Variants in QSOX1 observed in about 807,000 individuals in gnomAD.
The protein encoded by QSOX1 is quiescin sulfhydryl oxidase 1, also known as sulfhydryl oxidase 1.
A neutral mutation model predicts 76.1 loss-of-function variants in QSOX1; 40 were observed. The ratio of observed to expected loss-of-function variants is 0.53; its 90% CI spans 0.41 to 0.68. The LOEUF is 0.68. Among genes scored for constraint, QSOX1 ranks in the 30% least tolerant of loss-of-function variants. The probability of loss-of-function intolerance (pLI) is 0.00; values close to 1 mark genes in which losing one functional copy is unlikely to be tolerated. For synonymous variants in QSOX1, 392 were observed against 413.1 expected (o/e 0.95, Z 0.62); for missense variants, 931 against 974.3 (o/e 0.96, Z 0.59).
chr1:180,161,914 C>T (rs189681964), intron 1 of QSOX1, among the ~76,000 whole-genome samples: 197 of 152,262 alleles, frequency 1.3e-3, no homozygotes, highest in Middle Eastern at 3.4e-3. Flanking sequence ...TTATCAGAGA[C>T]GTTTCCGTGG....
Position 180,198,504 on chromosome 1 carries a change from T to C in QSOX1, c.*1467T>C, listed in dbSNP as rs1329639924. 4 of 420,282 alleles carry C rather than the reference T, an allele frequency of 9.5e-6. No individual in the cohort carries two copies. Among genetic ancestry groups the C allele is most frequent in the Non-Finnish European group, 2.0e-5 (4 of 202,674 alleles). 26.0% of individuals were successfully genotyped at this position (420,282 alleles called of 1,614,324 possible). On this transcript the variant is annotated 3_prime_UTR_variant, in exon 12 of 12. Coordinates refer to ENST00000367602, the MANE Select transcript of QSOX1 (RefSeq NM_002826.5). ...GGGGGAGCAGGAGCCTCAATCCGATTTGGTTTTCTCTTTGACATCTTCACT... is the reference window on the plus strand; with the variant it reads ...GGGGGAGCAGGAGCCTCAATCCGATCTGGTTTTCTCTTTGACATCTTCACT...
At chr1:180,179,622 C>T (rs1662980047) in intron 5 of QSOX1, among the ~76,000 whole-genome samples, 1 of 152,244 alleles carries the variant, frequency 6.6e-6, no homozygotes, top group Non-Finnish European at 1.5e-5. Context: ...TCTCCATAGA[C>T]CAGTTGTGAG....
intron 2 of QSOX1, among the ~76,000 whole-genome samples, chr1:180,170,976 A>G (rs899970034): frequency 9.9e-5 from 15 of 152,140 alleles, no homozygotes; most frequent in East Asian, 3.9e-4. Flanking sequence ...GTGGAGGGCA[A>G]TGTGAGGTGA....
chr1:180,203,107 A>G lies in QSOX1; in HGVS notation c.*6070A>G, dbSNP rs1337249512. On this transcript the variant is annotated 3_prime_UTR_variant, in exon 12 of 12. Transcript: ENST00000367602. ...AAAATAAAAATAAAAAAATAAAGTA[A>G]AGCTACATATTTAAAAGCTGGGGAA... is the stretch of plus-strand genomic sequence containing the variant. 3 of 152,166 alleles carry G rather than the reference A, an allele frequency of 2.0e-5. No homozygotes were observed. Among genetic ancestry groups the G allele is most frequent in the Non-Finnish European group, 4.4e-5 (3 of 68,034 alleles). The allele number at this position is 152,166 out of a possible 1,614,324, so 9.4% of individuals were successfully genotyped here.
rs550824370 is a variant in QSOX1 at position 180,161,669 on chromosome 1, A to C, written c.266-4822A>C. 1.1e-4 allele frequency among the ~76,000 whole-genome samples: 17 copies of C among 152,358 alleles called. 1 individual carries two copies. The South Asian group carries it at 3.3e-3, about 30-fold the overall frequency. On this transcript the variant is annotated intron_variant, in intron 1 of 11. Coordinates refer to ENST00000367602, the MANE Select transcript of QSOX1 (RefSeq NM_002826.5). ...TGTAAACTATAGATAGCTTAAAAGA[A>C]AATAAGTTTTCTTAAATCTGGACAA...
chr1:180,196,733 CAG>C lies in QSOX1; in HGVS notation c.1941_1942del (p.Ala649CysfsTer5), dbSNP rs1454009695. The C allele has an allele frequency of 5.6e-6, 9 of 1,614,016 alleles. No homozygotes were observed. The highest frequency in any genetic ancestry group is 2.2e-5 in the East Asian group (1 of 44,890). On this transcript the variant is annotated frameshift_variant, in exon 12 of 12. Transcript: ENST00000367602. LOFTEE classifies it high-confidence loss of function. This position sits in a 1 kb window ranked among gnomAD's most constrained non-coding sequence, Gnocchi z 4.1. The stretch of plus-strand genomic sequence containing the variant: ...CAGTGGCACTTGAGCAAGCGAGACA[CAG>C]GGGCTGCATTGCTGGCTGAGTCCAG...
intron 4 of QSOX1, among the ~76,000 whole-genome samples, chr1:180,176,640 G>A (rs2149236166): frequency 6.6e-6 from 1 of 152,282 alleles, no homozygotes; most frequent in East Asian, 1.9e-4. Context: ...TAAGGTGCAT[G>A]GTCTTGCCCA....
At position 180,199,893 on chromosome 1, in the gene QSOX1, G is replaced by T. The variant is rs557633321; in HGVS notation, c.*2856G>T. On this transcript the variant is annotated 3_prime_UTR_variant, in exon 12 of 12. Transcript: ENST00000367602. ...CGGCATTCTTGGAGGTCCAAGAGGG[G>T]CAGCGCCACCTTGGGCCAGGCTCCT... is the stretch of plus-strand genomic sequence containing the variant. 13 of 151,346 alleles carry T rather than the reference G, an allele frequency of 8.6e-5. No individual in the cohort carries two copies. In the East Asian group the frequency reaches 2.6e-3, roughly 30 times the overall value. 9.4% of individuals were successfully genotyped at this position (151,346 alleles called of 1,614,324 possible).
Position 180,178,878 on chromosome 1 carries a change from T to C in QSOX1, c.600T>C (p.Gly200=), listed in dbSNP as rs751826793. Residue 200 remains glycine, a synonymous_variant, in exon 5 of 12, where the codon GGT becomes GGC. Transcript: ENST00000367602. ...LIFEKGGSYL[G]REVALDLSQH... ...TTGAAAAGGGAGGCTCCTACCTGGG[T>C]AGAGAGGTGAGCTGCCCTGAAGTTC... The C allele has an allele frequency of 2.5e-5, 40 of 1,612,826 alleles. No individual in the cohort carries two copies. The highest frequency in any genetic ancestry group is 3.4e-5 in the Non-Finnish European group (40 of 1,179,000).
chr1:180,162,906 G>A (rs1662525766), intron 1 of QSOX1, among the ~76,000 whole-genome samples: 1 of 152,098 alleles, frequency 6.6e-6, no homozygotes. Flanking sequence ...TTATAGAGAG[G>A]ACTCCATTTT....
In QSOX1 at chr1:180,196,873, C is replaced by T. The variant is rs147334523; in HGVS notation, c.2080C>T (p.Arg694Ter). Residue 694 changes from arginine (R) to a stop codon, truncating the protein, a stop_gained, in exon 12 of 12, where the codon CGA becomes TGA. Transcript: ENST00000367602. LOFTEE classifies it high-confidence loss of function. The surrounding 1 kb of genome is among the most constrained non-coding windows in gnomAD (Gnocchi z 4.1). ...GQLEARAGRG[R>*]GQWLQVLGGG... ...GCTGGAGGCCCGAGCTGGACGGGGC[C>T]GAGGCCAGTGGCTGCAGGTGCTGGG... is the stretch of plus-strand genomic sequence containing the variant. The T allele has an allele frequency of 3.1e-4, 489 of 1,596,954 alleles. No individual in the cohort carries two copies. The African/African-American group carries it at 5.8e-3, about 19-fold the overall frequency.
At chr1:180,189,034 G>T (rs113751387) in intron 8 of QSOX1, among the ~76,000 whole-genome samples, 1,856 of 152,346 alleles carry the variant, frequency 0.012, 33 homozygotes, top group African/African-American at 0.042. Flanking sequence ...TTGGCTGTGA[G>T]CCCCTGGCCT....
rs1184703991 is a variant in QSOX1, at chr1:180,196,375, C to T, written c.1582C>T (p.Leu528Phe). 3.1e-6 allele frequency: 5 copies of T among 1,614,204 alleles called. No homozygotes were observed. The highest frequency in any genetic ancestry group is 4.2e-6 in the Non-Finnish European group (5 of 1,180,030). Residue 528 changes from leucine (L) to phenylalanine (F), a missense_variant, in exon 12 of 12, where the codon CTC becomes TTC. Coordinates refer to ENST00000367602, the MANE Select transcript of QSOX1 (RefSeq NM_002826.5). The surrounding 1 kb of genome is among the most constrained non-coding windows in gnomAD (Gnocchi z 4.1). ...GCCCGTGTGGGACGTGGAAGCCACC[C>T]TCAACTTCCTCAAGGCCCACTTCTC... ...DVPVWDVEATLNFLKAHFSPS... is the reference protein window; with the variant it reads ...DVPVWDVEATFNFLKAHFSPS...
chr1:180,167,590 C>T (rs913972722), intron 2 of QSOX1, among the ~76,000 whole-genome samples: 1 of 152,164 alleles, frequency 6.6e-6, no homozygotes, highest in Non-Finnish European at 1.5e-5. Flanking sequence ...TCCATGTGAC[C>T]TTTCTGTTCC....
At chr1:180,186,306 ACC>A (rs1663170175) in intron 8 of QSOX1, 124 bp downstream of exon 8, 2 of 1,304,396 alleles carry the variant, frequency 1.5e-6, no homozygotes, top group Non-Finnish European at 2.1e-6. Flanking sequence ...GGACACCTGG[ACC>A]CACAGCTCTC....
rs1020346990 is a variant in QSOX1 at position 180,199,495 on chromosome 1, G to C, written c.*2458G>C. 1.3e-5 allele frequency: 2 copies of C among 152,194 alleles called. No homozygotes were observed. Among genetic ancestry groups the C allele is most frequent in the African/African-American group, 2.4e-5 (1 of 41,428 alleles). The allele number at this position is 152,194 out of a possible 1,614,324, so 9.4% of individuals were successfully genotyped here. A position where few individuals can be genotyped will look rare whatever the true frequency, so the allele number is the denominator to read the frequency against. ...AGTGGCATGGAGCTTTGAAAGACGA[G>C]TAGGTGTTAGCAAGGAAATAAGGAG... On this transcript the variant is annotated 3_prime_UTR_variant, in exon 12 of 12. Transcript: ENST00000367602.
At chr1:180,176,158 G>A in intron 4 of QSOX1, 125 bp downstream of exon 4, 1 of 739,618 alleles carries the variant, frequency 1.4e-6, no homozygotes, top group Non-Finnish European at 2.3e-6. Context: ...TGCCTGTGGG[G>A]CTCACACACC....
rs2149243308 is a variant in QSOX1 at position 180,194,401 on chromosome 1, G to A, written c.1468+9G>A. ...CAATGCTCGCCTTGCAGGTAAGGAAGGACCATCCCCAAGGCTGGAGTCACT... is the reference window on the plus strand; with the variant it reads ...CAATGCTCGCCTTGCAGGTAAGGAAAGACCATCCCCAAGGCTGGAGTCACT... On this transcript the variant is annotated intron_variant, in intron 11 of 11. Transcript: ENST00000367602. 1.3e-6 allele frequency: 2 copies of A among 1,528,914 alleles called. No homozygotes were observed. Among genetic ancestry groups the A allele is most frequent in the Non-Finnish European group, 1.8e-6 (2 of 1,130,500 alleles). The allele number at this position is 1,528,914 out of a possible 1,614,324, so 94.7% of individuals were successfully genotyped here.
chr1:180,185,033 C>T (rs1663138552), intron 7 of QSOX1, among the ~76,000 whole-genome samples: 1 of 152,166 alleles, frequency 6.6e-6, no homozygotes, highest in Non-Finnish European at 1.5e-5. Context: ...GGCACCTTCC[C>T]TGTGTTACCT....
Sources: gnomAD v4.1 joint callset for allele counts (sites outside exome capture counted in the v4.1 genomes callset) on GRCh38, gnomAD v4.1.1 for gene constraint, Gnocchi (gnomAD v3.1) non-coding constraint, MANE v1.5 for transcripts, NCBI Gene and HGNC (gene_info 2026-07-23, HGNC 2026-07-21) for gene names.